The following PTPRD variants were observed in gnomAD, a reference collection of about 807,000 sequenced individuals.
The protein encoded by PTPRD is protein tyrosine phosphatase receptor type D, also known as receptor-type tyrosine-protein phosphatase delta.
Under a neutral mutation model 214.5 loss-of-function variants are expected in PTPRD, and 34 were observed. The ratio of observed to expected loss-of-function variants is 0.16; its 90% CI spans 0.12 to 0.21. PTPRD has a LOEUF of 0.21. PTPRD is among the 10% of genes least tolerant of loss of function. The probability of loss-of-function intolerance (pLI) is 1.00; values close to 1 mark genes in which losing one functional copy is unlikely to be tolerated. For synonymous variants in PTPRD, 1,128 were observed against 845.7 expected (o/e 1.33, Z -5.79); for missense variants, 2,545 against 2,398.7 (o/e 1.06, Z -1.27).
At chr9:10,478,278 AT>A (rs1442794672) in intron 2 of PTPRD, among the ~76,000 whole-genome samples, 7 of 152,218 alleles carry the variant, frequency 4.6e-5, no homozygotes, top group African/African-American at 1.7e-4. Context: ...CAAGAAGCCC[AT>A]TTTTCACTTA....
intron 8 of PTPRD, among the ~76,000 whole-genome samples, chr9:9,481,116 A>T (rs2095393956): frequency 6.6e-6 from 1 of 152,176 alleles, no homozygotes; most frequent in South Asian, 2.1e-4. Context: ...GATAATGATG[A>T]TGATGATGAC....
At chr9:10,056,256 G>A (rs2097646000) in intron 3 of PTPRD, among the ~76,000 whole-genome samples, 2 of 151,220 alleles carry the variant, frequency 1.3e-5, no homozygotes, top group Admixed American at 6.6e-5. Context: ...GGGAGGCGGA[G>A]ATTGCAGTGA....
At chr9:9,910,536 T>G (rs1013234896) in intron 5 of PTPRD, among the ~76,000 whole-genome samples, 22 of 152,106 alleles carry the variant, frequency 1.4e-4, no homozygotes, top group Non-Finnish European at 2.2e-4. Context: ...TCTGTTCAGC[T>G]TTTCTAGTAC....
intron 4 of PTPRD, among the ~76,000 whole-genome samples, chr9:9,943,842 T>G (rs1395449446): frequency 6.6e-6 from 1 of 152,184 alleles, no homozygotes; most frequent in Non-Finnish European, 1.5e-5. Flanking sequence ...TTTTCCAAGC[T>G]GCTGGGAGTG....
chr9:9,330,555 A>C (rs1260059607), intron 9 of PTPRD, among the ~76,000 whole-genome samples: 1 of 152,020 alleles, frequency 6.6e-6, no homozygotes, highest in Non-Finnish European at 1.5e-5. Context: ...TACAATAAGT[A>C]ATATTATTAA....
At chr9:9,496,357 C>A (rs923773673) in intron 8 of PTPRD, among the ~76,000 whole-genome samples, 18 of 151,980 alleles carry the variant, frequency 1.2e-4, no homozygotes, top group Non-Finnish European at 2.4e-4. Flanking sequence ...TATCCAGAAT[C>A]TATAGAGAAC....
intron 10 of PTPRD, among the ~76,000 whole-genome samples, chr9:9,177,964 C>T (rs1390589005): frequency 2.6e-5 from 4 of 151,940 alleles, no homozygotes; most frequent in Admixed American, 2.0e-4. Context: ...AATATTTTAT[C>T]GATGTGCTGG....
intron 36 of PTPRD, among the ~76,000 whole-genome samples, chr9:8,401,718 A>G (rs749689059): frequency 3.3e-5 from 5 of 152,170 alleles, no homozygotes; most frequent in African/African-American, 1.2e-4. Context: ...CTACTAAACA[A>G]ATATAAAGAC....
At chr9:9,053,081 C>G (rs1434174148) in intron 10 of PTPRD, among the ~76,000 whole-genome samples, 1 of 152,004 alleles carries the variant, frequency 6.6e-6, no homozygotes, top group East Asian at 1.9e-4. Flanking sequence ...AGCTTTATAT[C>G]TTAGATATAG....
At chr9:8,378,434 A>G (rs539348796) in intron 37 of PTPRD, among the ~76,000 whole-genome samples, 1,652 of 152,188 alleles carry the variant, frequency 0.011, 42 homozygotes, top group African/African-American at 0.038. Flanking sequence ...GAAAAAAAAA[A>G]TTAACAAAAA....
chr9:8,511,752 A>T (rs2097686968), intron 21 of PTPRD, among the ~76,000 whole-genome samples: 1 of 152,164 alleles, frequency 6.6e-6, no homozygotes. Flanking sequence ...TATATACTGT[A>T]AAAGTATGTC....
chr9:9,104,710 C>T (rs900798783), intron 10 of PTPRD, among the ~76,000 whole-genome samples: 17 of 152,146 alleles, frequency 1.1e-4, no homozygotes, highest in African/African-American at 3.9e-4. Context: ...TGTTTACTTC[C>T]TGCCTCGCTG....
At chr9:9,371,425 G>A (rs539525547) in intron 9 of PTPRD, among the ~76,000 whole-genome samples, 30 of 152,240 alleles carry the variant, frequency 2.0e-4, no homozygotes, top group Admixed American at 3.3e-4. Flanking sequence ...ATTCTCTGAT[G>A]GTAGTTTGTA....
chr9:10,031,635 T>TACAC (rs2097072338), intron 4 of PTPRD, among the ~76,000 whole-genome samples: 1 of 84,560 alleles, frequency 1.2e-5, no homozygotes, highest in Non-Finnish European at 2.1e-5. Flanking sequence ...CATATATATA[T>TACAC]ATATATATAT....
chr9:9,759,417 C>G (rs1174264999), intron 6 of PTPRD, among the ~76,000 whole-genome samples: 2 of 152,134 alleles, frequency 1.3e-5, no homozygotes, highest in Admixed American at 1.3e-4. Context: ...TGAGGAGCCT[C>G]CCAGTCCCTG....
intron 8 of PTPRD, among the ~76,000 whole-genome samples, chr9:9,460,379 A>C (rs917628875): frequency 1.5e-4 from 23 of 152,100 alleles, no homozygotes; most frequent in African/African-American, 5.3e-4. Flanking sequence ...AGAAACAATC[A>C]ACAGAGTAAA....
chr9:10,230,752 T>C (rs1410967341), intron 3 of PTPRD, among the ~76,000 whole-genome samples: 3 of 152,080 alleles, frequency 2.0e-5, no homozygotes, highest in Admixed American at 6.6e-5. Flanking sequence ...ATGTTCATTA[T>C]GTGTACCAAC....
intron 5 of PTPRD, among the ~76,000 whole-genome samples, chr9:9,804,682 C>T (rs1031317273): frequency 4.6e-5 from 7 of 151,908 alleles, no homozygotes; most frequent in African/African-American, 1.5e-4. Flanking sequence ...AACATAAAGG[C>T]ATTTAATCTA....
At chr9:10,236,483 T>C (rs144920869) in intron 3 of PTPRD, among the ~76,000 whole-genome samples, 2 of 151,960 alleles carry the variant, frequency 1.3e-5, no homozygotes, top group Non-Finnish European at 2.9e-5. Flanking sequence ...CAGATGGACA[T>C]AATTTGCATA....
Sources: allele counts gnomAD v4.1 joint callset (sites outside exome capture counted in the v4.1 genomes callset), GRCh38; gene constraint gnomAD v4.1.1; transcripts MANE v1.5; gene names NCBI Gene and HGNC (gene_info 2026-07-23, HGNC 2026-07-21).